HTR2C: variants seen among roughly 807,000 people sequenced by gnomAD.
The protein encoded by HTR2C is 5-hydroxytryptamine receptor 2C, also known as 5-hydroxytryptamine (serotonin) receptor 2C, G protein-coupled.
HTR2C carries 5 observed loss-of-function variants against 21.0 expected under a neutral mutation model. That is an observed-to-expected ratio of 0.24 (90% CI 0.12 to 0.50). HTR2C has a LOEUF of 0.50. Ranked by LOEUF, HTR2C falls within the 20% of genes least tolerant of loss-of-function variation. The pLI is 0.98. For missense variants in HTR2C, 271 were observed against 371.2 expected (o/e 0.73, Z 2.22); for synonymous variants, 150 against 145.3 (o/e 1.03, Z -0.23).
intron 4 of HTR2C, among the ~76,000 whole-genome samples, chrX:114,790,825 C>G (rs1034764702): frequency 4.5e-5 from 5 of 111,503 alleles, no homozygotes; most frequent in African/African-American, 1.6e-4. Flanking sequence ...TTGCCCATTT[C>G]TTCTTATTCA....
intron 4 of HTR2C, among the ~76,000 whole-genome samples, chrX:114,806,967 CATATATACCATATATATACCACAT>C (rs1399338829): frequency 5.2e-5 from 5 of 96,481 alleles, no homozygotes; most frequent in Admixed American, 1.2e-4. Flanking sequence ...ATGTATATAC[CATATATACCATATATATACCACAT>C]ATATATACCA....
intron 4 of HTR2C, among the ~76,000 whole-genome samples, chrX:114,742,823 C>T (rs2069664034): frequency 1.7e-5 from 1 of 58,599 alleles, no homozygotes; most frequent in Admixed American, 2.3e-4. Context: ...TGGTGCGCTG[C>T]ACCCACTAAC....
chrX:114,875,470 T>TA (rs1484273887), intron 5 of HTR2C, among the ~76,000 whole-genome samples: 1 of 111,929 alleles, frequency 8.9e-6, no homozygotes, highest in Non-Finnish European at 1.9e-5. Context: ...GTGTTATATC[T>TA]AAAAAATTAT....
intron 1 of HTR2C, among the ~76,000 whole-genome samples, chrX:114,606,990 G>T (rs943859211): frequency 7.4e-5 from 8 of 107,863 alleles, no homozygotes; most frequent in Non-Finnish European, 1.5e-4. Flanking sequence ...GGGCAGGAGT[G>T]GGGGTCGCAA....
At chrX:114,677,022 A>G (rs1293136831) in intron 2 of HTR2C, among the ~76,000 whole-genome samples, 1 of 112,123 alleles carries the variant, frequency 8.9e-6, no homozygotes, top group East Asian at 2.8e-4. Flanking sequence ...GAGGCATAAA[A>G]GTGTTTAACA....
chrX:114,867,260 C>G (rs1380045971), intron 5 of HTR2C, among the ~76,000 whole-genome samples: 1 of 111,442 alleles, frequency 9.0e-6, no homozygotes, highest in African/African-American at 3.3e-5. Context: ...TGAGCAATTA[C>G]GTTGAGCACT....
rs2070062826 is a variant in HTR2C, at chrX:114,776,836, G to A, written c.349+45229G>A. ...GAAAGACACAGAAACCTCCAGAACT[G>A]CGGGCGCATTCAATGAGCTATATTT... is the stretch of plus-strand genomic sequence containing the variant. On this transcript the variant is annotated intron_variant, in intron 4 of 5. Transcript: ENST00000276198. The A allele has an allele frequency of 2.0e-5, 4 of 202,301 alleles. No homozygotes were observed. In the South Asian group the frequency reaches 4.5e-4, roughly 23 times the overall value. 16.7% of individuals were successfully genotyped at this position (202,301 alleles called of 1,213,427 possible).
chrX:114,675,547 A>T (rs1931523000), intron 2 of HTR2C, among the ~76,000 whole-genome samples: 1 of 112,319 alleles, frequency 8.9e-6, no homozygotes, highest in Admixed American at 9.4e-5. Flanking sequence ...AATGTGTTGT[A>T]CTTAATCTAA....
At chrX:114,705,680 A>G (rs1265623603) in intron 2 of HTR2C, among the ~76,000 whole-genome samples, 1 of 76,560 alleles carries the variant, frequency 1.3e-5, no homozygotes, top group Non-Finnish European at 2.6e-5. Context: ...ACCAAAAGCA[A>G]TGGAAACAAA....
chrX:114,754,044 C>A (rs781808017), intron 4 of HTR2C, among the ~76,000 whole-genome samples: 21 of 111,402 alleles, frequency 1.9e-4, no homozygotes, highest in Non-Finnish European at 3.4e-4. Context: ...TCCCTCAGTA[C>A]TGTGTCCACT....
chrX:114,589,795 TA>T, intron 1 of HTR2C: 2 of 306,418 alleles, frequency 6.5e-6, no homozygotes, highest in Admixed American at 7.0e-5. Context: ...GGAAAAAAGC[TA>T]AAACTACAAA....
At chrX:114,807,817 C>T (rs903409613) in intron 4 of HTR2C, among the ~76,000 whole-genome samples, 9 of 109,548 alleles carry the variant, frequency 8.2e-5, no homozygotes, top group Non-Finnish European at 1.1e-4. Flanking sequence ...GGACTACAGG[C>T]GCATACCACC....
At chrX:114,777,159 A>C (rs1326188790) in intron 4 of HTR2C, among the ~76,000 whole-genome samples, 1 of 112,287 alleles carries the variant, frequency 8.9e-6, no homozygotes, top group Non-Finnish European at 1.9e-5. Context: ...ACTTTTTCTG[A>C]AGATTTTCCT....
chrX:114,703,517 G>A (rs375850041), intron 2 of HTR2C, among the ~76,000 whole-genome samples: 9 of 111,429 alleles, frequency 8.1e-5, no homozygotes, highest in South Asian at 3.8e-4. Context: ...ACCAATGAGA[G>A]CAAAGACACA....
intron 2 of HTR2C, among the ~76,000 whole-genome samples, chrX:114,689,624 T>C (rs1162414220): frequency 9.0e-6 from 1 of 111,187 alleles, no homozygotes; most frequent in Non-Finnish European, 1.9e-5. Flanking sequence ...TTAAGCATTT[T>C]TTTTCATATG....
chrX:114,681,522 G>A (rs782564409), intron 2 of HTR2C, among the ~76,000 whole-genome samples: 4 of 110,903 alleles, frequency 3.6e-5, no homozygotes, highest in Non-Finnish European at 5.7e-5. Flanking sequence ...GAGTAACACT[G>A]CAAGAAACAA....
chrX:114,833,173 T>G (rs1311459319), intron 4 of HTR2C, among the ~76,000 whole-genome samples: 1 of 97,987 alleles, frequency 1.0e-5, no homozygotes, highest in Non-Finnish European at 2.1e-5. Context: ...TTTTTGGTTG[T>G]GTCTCTACCC....
In HTR2C at chrX:114,650,080, C is replaced by G. The variant is rs188853877; in HGVS notation, c.-80+36199C>G. On this transcript the variant is annotated intron_variant, in intron 2 of 5. Transcript: ENST00000276198. Reference sequence around the variant, plus strand: ...GACGTTTCTGTCTATTTTGACAGATCTGGAGAATGAACACAAAGTGGATAG... The same window carrying G: ...GACGTTTCTGTCTATTTTGACAGATGTGGAGAATGAACACAAAGTGGATAG... Among the ~76,000 whole-genome samples the G allele has an allele frequency of 1.7e-3, 185 of 111,843 alleles. 1 individual carries two copies. The highest frequency in any genetic ancestry group is 3.1e-3 in the Non-Finnish European group (164 of 53,199).
At chrX:114,665,838 A>G (rs1334094123) in intron 2 of HTR2C, among the ~76,000 whole-genome samples, 6 of 110,763 alleles carry the variant, frequency 5.4e-5, no homozygotes, top group African/African-American at 2.0e-4. Flanking sequence ...ACTTGGTGTA[A>G]CTTTTTCTGA....
Sources: gnomAD v4.1 joint callset for allele counts (sites outside exome capture counted in the v4.1 genomes callset) on GRCh38, gnomAD v4.1.1 for gene constraint, MANE v1.5 for transcripts, NCBI Gene and HGNC (gene_info 2026-07-23, HGNC 2026-07-21) for gene names.